The following NTRK2 variants were observed in gnomAD, a reference collection of about 807,000 sequenced individuals.
The protein encoded by NTRK2 is neurotrophic receptor tyrosine kinase 2, also known as BDNF/NT-3 growth factors receptor.
Under a neutral mutation model 94.5 loss-of-function variants are expected in NTRK2, and 13 were observed. The ratio of observed to expected loss-of-function variants is 0.14; its 90% confidence interval spans 0.09 to 0.22. The LOEUF is 0.22. Among genes scored for constraint, NTRK2 ranks in the 10% least tolerant of loss-of-function variants. The probability of loss-of-function intolerance (pLI) is 1.00; values close to 1 mark genes in which losing one functional copy is unlikely to be tolerated. For synonymous variants in NTRK2, 372 were observed against 407.4 expected, an observed-to-expected ratio of 0.91 and a Z score of 1.05; for missense variants, 639 against 1,071.2, an observed-to-expected ratio of 0.60 and a Z score of 5.63.
At chr9:84,812,376 G>C in intron 12 of NTRK2, 1 of 1,058,152 alleles carries the variant, frequency 9.5e-7, no homozygotes, top group Non-Finnish European at 1.1e-6. Context: ...TTTCTCAAAA[G>C]CAGAAACATG....
At chr9:84,772,669 A>G (rs1564237528) in intron 12 of NTRK2, among the ~76,000 whole-genome samples, 2 of 152,190 alleles carry the variant, frequency 1.3e-5, no homozygotes, top group Non-Finnish European at 2.9e-5. Context: ...AAGCCCCACA[A>G]AAGAGGGGGA....
chr9:85,000,083 C>A (rs544603945), intron 17 of NTRK2, among the ~76,000 whole-genome samples: 2 of 152,302 alleles, frequency 1.3e-5, no homozygotes, highest in East Asian at 3.9e-4. Flanking sequence ...TGCAGCACAT[C>A]TTAAAAACAG....
chr9:84,942,684 A>G (rs1000388713), intron 15 of NTRK2, among the ~76,000 whole-genome samples: 1 of 152,130 alleles, frequency 6.6e-6, no homozygotes, highest in South Asian at 2.1e-4. Context: ...CAACATATCT[A>G]TATTATCATT....
At chr9:84,934,590 T>G (rs1471594026) in intron 15 of NTRK2, among the ~76,000 whole-genome samples, 1 of 152,138 alleles carries the variant, frequency 6.6e-6, no homozygotes, top group Non-Finnish European at 1.5e-5. Flanking sequence ...CCAAACAGAA[T>G]TCGACCAGCT....
At chr9:84,899,484 G>C (rs2076862589) in intron 14 of NTRK2, among the ~76,000 whole-genome samples, 1 of 152,098 alleles carries the variant, frequency 6.6e-6, no homozygotes, top group African/African-American at 2.4e-5. Context: ...GGAAAGTCAG[G>C]AGGGCACCTG....
chr9:84,936,503 T>C (rs1324496291), intron 15 of NTRK2, among the ~76,000 whole-genome samples: 1 of 152,202 alleles, frequency 6.6e-6, no homozygotes, highest in African/African-American at 2.4e-5. Flanking sequence ...CCATTATCAC[T>C]GTCAGTGAGG....
Position 84,759,905 on chromosome 9 carries a change from A to G in NTRK2, c.1396+7820A>G, listed in dbSNP as rs182753203. 1.8e-3 allele frequency among the ~76,000 whole-genome samples: 278 copies of G among 152,350 alleles called. 1 individual carries two copies. Among genetic ancestry groups the G allele is most frequent in the Non-Finnish European group, 1.3e-3 (90 of 68,030 alleles). ...TTCAGAATTTATGAAGAAGACAGATAATAACTTGGCTTAAATTCTAACATA... is the reference window on the plus strand; with the variant it reads ...TTCAGAATTTATGAAGAAGACAGATGATAACTTGGCTTAAATTCTAACATA... On this transcript the variant is annotated intron_variant, in intron 12 of 18. Transcript: ENST00000277120.
intron 5 of NTRK2, 136 bp from the exon 6 acceptor site, chr9:84,710,501 G>C (rs1362920594): frequency 1.2e-6 from 1 of 853,842 alleles, no homozygotes; most frequent in Non-Finnish European, 1.9e-6. Context: ...AATAAGTACT[G>C]TCATGCTATG....
chr9:84,845,958 G>T (rs1025344095), intron 12 of NTRK2, among the ~76,000 whole-genome samples: 5 of 150,946 alleles, frequency 3.3e-5, no homozygotes, highest in Non-Finnish European at 5.9e-5. Context: ...AAGTGTTACA[G>T]AATGCTAAGG....
chr9:84,889,847 C>T lies in NTRK2; in HGVS notation c.1633+22416C>T, dbSNP rs76891002. Among the ~76,000 whole-genome samples the T allele has an allele frequency of 2.2e-4, 34 of 152,308 alleles. No individual in the cohort carries two copies. The East Asian group carries it at 6.0e-3, about 27-fold the overall frequency. The stretch of plus-strand genomic sequence containing the variant: ...ACACCACCATCATTATTACCAGTAT[C>T]GAGACAGTTGCCTCATACTTGAGTT... On this transcript the variant is annotated intron_variant, in intron 14 of 18. Coordinates refer to ENST00000277120, the MANE Select transcript of NTRK2 (RefSeq NM_006180.6).
intron 12 of NTRK2, among the ~76,000 whole-genome samples, chr9:84,816,657 T>A (rs1480944006): frequency 4.0e-5 from 6 of 151,314 alleles, no homozygotes; most frequent in African/African-American, 1.5e-4. Flanking sequence ...CGGGCGCCTG[T>A]AATCTCACCT....
At chr9:84,938,541 A>C (rs1005496290) in intron 15 of NTRK2, among the ~76,000 whole-genome samples, 2 of 152,088 alleles carry the variant, frequency 1.3e-5, no homozygotes, top group African/African-American at 4.8e-5. Flanking sequence ...AATATTTTAA[A>C]ATTATATATA....
At chr9:84,794,750 G>T (rs897655572) in intron 12 of NTRK2, among the ~76,000 whole-genome samples, 2 of 152,146 alleles carry the variant, frequency 1.3e-5, no homozygotes, top group African/African-American at 4.8e-5. Context: ...GGGACTTTGG[G>T]AGTCTAGGAC....
chr9:84,794,342 G>A (rs906120027), intron 12 of NTRK2, among the ~76,000 whole-genome samples: 8 of 152,210 alleles, frequency 5.3e-5, no homozygotes, highest in African/African-American at 1.9e-4. Flanking sequence ...ATATGGACAG[G>A]GGCATAGGTT....
chr9:84,748,347 A>G (rs926316776), intron 11 of NTRK2, among the ~76,000 whole-genome samples: 1 of 152,258 alleles, frequency 6.6e-6, no homozygotes, highest in Non-Finnish European at 1.5e-5. Context: ...GAATGGCTTC[A>G]GTAGCTTTAA....
chr9:84,865,365 A>C (rs571754182), intron 13 of NTRK2, among the ~76,000 whole-genome samples: 69 of 152,242 alleles, frequency 4.5e-4, no homozygotes, highest in Admixed American at 7.9e-4. Flanking sequence ...CTATAATAAG[A>C]GTTGGCTGTC....
intron 17 of NTRK2, among the ~76,000 whole-genome samples, chr9:84,957,936 G>A (rs1824364269): frequency 6.6e-6 from 1 of 152,206 alleles, no homozygotes; most frequent in Admixed American, 6.5e-5. Context: ...ACTGATTCAT[G>A]CTGCAACACA....
In NTRK2 at chr9:85,018,161, T is replaced by A. The variant is rs78081933; in HGVS notation, c.2173-2045T>A. On this transcript the variant is annotated intron_variant, in intron 17 of 18. Transcript: ENST00000277120. ...TCTGCACCACCCAGGCAAGGTCACA[T>A]AATTGCCAGGAGCAATTTCATCATC... Among the ~76,000 whole-genome samples, 276 of 152,302 alleles carry A rather than the reference T, an allele frequency of 1.8e-3. 5 individuals carry two copies. The East Asian group carries it at 0.039, about 22-fold the overall frequency.
At chr9:84,983,532 C>T (rs1449616910) in intron 17 of NTRK2, among the ~76,000 whole-genome samples, 4 of 152,154 alleles carry the variant, frequency 2.6e-5, no homozygotes, top group African/African-American at 9.7e-5. Flanking sequence ...TTCCCTAGGA[C>T]CACTTAGAAA....
Sources: allele counts gnomAD v4.1 joint callset (sites outside exome capture counted in the v4.1 genomes callset), GRCh38; gene constraint gnomAD v4.1.1; transcripts MANE v1.5; gene names NCBI Gene and HGNC (gene_info 2026-07-23, HGNC 2026-07-21).